MAML3: variants seen among roughly 807,000 people sequenced by gnomAD.
MAML3 encodes mastermind like transcriptional coactivator 3.
MAML3 carries 27 observed loss-of-function variants against 101.9 expected under a neutral mutation model. That is an observed-to-expected ratio of 0.27 (90% CI 0.20 to 0.37). MAML3 has a LOEUF of 0.37. Ranked by LOEUF, MAML3 falls within the 10% of genes least tolerant of loss-of-function variation. MAML3 has a pLI of 1.00. For synonymous variants in MAML3, 501 were observed against 555.9 expected, an observed-to-expected ratio of 0.90 and a Z score of 1.39; for missense variants, 1,316 against 1,444.9, an observed-to-expected ratio of 0.91 and a Z score of 1.45.
chr4:139,943,912 C>T (rs1375620139), intron 1 of MAML3, among the ~76,000 whole-genome samples: 1 of 116,224 alleles, frequency 8.6e-6, no homozygotes, highest in Admixed American at 8.6e-5. Context: ...GTTCTGTCGC[C>T]CAGGCTGGAG....
At chr4:139,789,446 G>T (rs932409241) in intron 2 of MAML3, among the ~76,000 whole-genome samples, 11 of 152,148 alleles carry the variant, frequency 7.2e-5, no homozygotes, top group African/African-American at 2.7e-4. Flanking sequence ...CTAGAAAGCA[G>T]AATCTAGAAA....
chr4:139,719,222 TG>T lies in MAML3; in HGVS notation c.*100del. On this transcript the variant is annotated 3_prime_UTR_variant, in exon 5 of 5. Coordinates refer to ENST00000509479, the MANE Select transcript of MAML3 (RefSeq NM_018717.5). Reference sequence around the variant, plus strand: ...CAGCTGCAGTTTTGCTCAGTTTACGTGGGTCAAAAAAACAAAAAACAAGGAT... The same window carrying T: ...CAGCTGCAGTTTTGCTCAGTTTACGTGGTCAAAAAAACAAAAAACAAGGAT... The T allele has an allele frequency of 7.2e-7, 1 of 1,388,434 alleles. No homozygotes were observed. The highest frequency in any genetic ancestry group is 1.5e-5 in the African/African-American group (1 of 68,958). The allele number at this position is 1,388,434 out of a possible 1,614,324, so 86.0% of individuals were successfully genotyped here. A position where few individuals can be genotyped will look rare whatever the true frequency, so the allele number is the denominator to read the frequency against.
chr4:139,836,453 AG>A (rs1731257008), intron 2 of MAML3, among the ~76,000 whole-genome samples: 1 of 152,190 alleles, frequency 6.6e-6, no homozygotes, highest in Non-Finnish European at 1.5e-5. Context: ...ATACCCTCAG[AG>A]GGTTGTTATG....
chr4:140,087,241 G>T (rs1313038618), intron 1 of MAML3, among the ~76,000 whole-genome samples: 1 of 152,174 alleles, frequency 6.6e-6, no homozygotes, highest in East Asian at 1.9e-4. Context: ...TTTTACTAGT[G>T]ATGTTCTCTT....
chr4:139,992,847 G>A lies in MAML3; in HGVS notation c.469-101880C>T, dbSNP rs866433325. Among the ~76,000 whole-genome samples the A allele has an allele frequency of 1.1e-4, 16 of 152,238 alleles. No homozygotes were observed. The East Asian group carries it at 1.7e-3, about 17-fold the overall frequency. On this transcript the variant is annotated intron_variant, in intron 1 of 4. Transcript: ENST00000509479. The stretch of plus-strand genomic sequence containing the variant: ...GCTAGGATTACAGGCGTGAGCCACC[G>A]CACCGAGCCTATTTTGTGTCTTTTT...
At chr4:139,881,254 C>A (rs912954915) in intron 2 of MAML3, among the ~76,000 whole-genome samples, 1 of 152,142 alleles carries the variant, frequency 6.6e-6, no homozygotes, top group Non-Finnish European at 1.5e-5. Context: ...ACTCTGGAAT[C>A]CTGGATCCCA....
intron 1 of MAML3, among the ~76,000 whole-genome samples, chr4:139,913,581 C>T (rs141740039): frequency 8.3e-4 from 126 of 152,184 alleles, no homozygotes; most frequent in African/African-American, 2.8e-3. Context: ...AAAAAGCTGT[C>T]GGTTATGTAC....
At chr4:139,819,897 T>C (rs1220767639) in intron 2 of MAML3, among the ~76,000 whole-genome samples, 1 of 152,216 alleles carries the variant, frequency 6.6e-6, no homozygotes, top group Non-Finnish European at 1.5e-5. Context: ...AAGAACACAC[T>C]AATTTTCTTC....
intron 1 of MAML3, among the ~76,000 whole-genome samples, chr4:140,022,061 C>G (rs543686892): frequency 6.6e-6 from 1 of 152,288 alleles, no homozygotes; most frequent in Non-Finnish European, 1.5e-5. Flanking sequence ...TGGTCCAGCC[C>G]TACTCTAGAC....
chr4:140,058,128 G>A (rs1242578354), intron 1 of MAML3, among the ~76,000 whole-genome samples: 1 of 152,120 alleles, frequency 6.6e-6, no homozygotes, highest in Non-Finnish European at 1.5e-5. Context: ...GAAGTTAAAA[G>A]GTACCATACC....
At chr4:140,087,169 T>C (rs148890706) in intron 1 of MAML3, among the ~76,000 whole-genome samples, 66 of 152,242 alleles carry the variant, frequency 4.3e-4, no homozygotes, top group Non-Finnish European at 7.9e-4. Flanking sequence ...AAAAAGAAAA[T>C]ACAAAACATT....
chr4:139,848,289 A>G (rs757864931), intron 2 of MAML3, among the ~76,000 whole-genome samples: 2 of 152,206 alleles, frequency 1.3e-5, no homozygotes, highest in Non-Finnish European at 2.9e-5. Context: ...GCTTCTCACC[A>G]GGGCACCGTT....
At chr4:140,149,511 G>T (rs1194824066) in intron 1 of MAML3, among the ~76,000 whole-genome samples, 2 of 152,156 alleles carry the variant, frequency 1.3e-5, no homozygotes, top group East Asian at 3.8e-4. Context: ...AATCAAAAGA[G>T]GCAAAGCCCT....
intron 1 of MAML3, among the ~76,000 whole-genome samples, chr4:139,993,123 G>A (rs1484654196): frequency 2.6e-5 from 4 of 152,000 alleles, no homozygotes; most frequent in Admixed American, 6.6e-5. Context: ...AGGCTGAGGC[G>A]GGCAGATCTC....
At chr4:140,033,752 C>T (rs1230460441) in intron 1 of MAML3, among the ~76,000 whole-genome samples, 1 of 152,118 alleles carries the variant, frequency 6.6e-6, no homozygotes, top group Non-Finnish European at 1.5e-5. Flanking sequence ...ACAGGGTTAT[C>T]GGGATGATTA....
At chr4:140,061,914 G>GT (rs1727453384) in intron 1 of MAML3, among the ~76,000 whole-genome samples, 1 of 152,124 alleles carries the variant, frequency 6.6e-6, no homozygotes, top group African/African-American at 2.4e-5. Flanking sequence ...CAGACAGTTG[G>GT]TGTGGCAGAA....
intron 1 of MAML3, among the ~76,000 whole-genome samples, chr4:140,101,442 C>A (rs1351289559): frequency 6.6e-6 from 1 of 152,142 alleles, no homozygotes; most frequent in Non-Finnish European, 1.5e-5. Flanking sequence ...GTATAATACA[C>A]ATTTCTTTCA....
intron 1 of MAML3, among the ~76,000 whole-genome samples, chr4:140,151,169 A>G (rs922723041): frequency 2.6e-5 from 4 of 151,816 alleles, no homozygotes; most frequent in Non-Finnish European, 5.9e-5. Context: ...AAAGGGAGGA[A>G]GAAGGCGGGC....
intron 1 of MAML3, among the ~76,000 whole-genome samples, chr4:139,902,253 GCACACACACGCACACACACACGCACACA>G (rs1339309858): frequency 5.7e-5 from 3 of 52,282 alleles, no homozygotes; most frequent in Non-Finnish European, 1.4e-4. Context: ...GCACGCACAC[GCACACACACGCACACACACACGCACACA>G]CACACACACG....
Sources: gnomAD v4.1 joint callset for allele counts (sites outside exome capture counted in the v4.1 genomes callset) on GRCh38, gnomAD v4.1.1 for gene constraint, MANE v1.5 for transcripts, NCBI Gene and HGNC (gene_info 2026-07-23, HGNC 2026-07-21) for gene names.